CHL1: variants seen among roughly 807,000 people sequenced by gnomAD.
CHL1 encodes the protein neural cell adhesion molecule L1-like protein.
A neutral mutation model predicts 141.9 loss-of-function variants in CHL1; 96 were observed. The ratio of observed to expected loss-of-function variants is 0.68; its 90% confidence interval spans 0.57 to 0.80. The LOEUF is 0.80. Ranked by LOEUF, CHL1 falls within the 30% of genes least tolerant of loss-of-function variation. The pLI is 0.00. For synonymous variants in CHL1, 613 were observed against 502.2 expected, an observed-to-expected ratio of 1.22 and a Z score of -2.95; for missense variants, 1,820 against 1,457.2, an observed-to-expected ratio of 1.25 and a Z score of -4.05.
intron 15 of CHL1, among the ~76,000 whole-genome samples, chr3:366,686 A>C (rs75768194): frequency 6.9e-5 from 9 of 130,008 alleles, no homozygotes; most frequent in Non-Finnish European, 1.7e-5. Flanking sequence ...GATGGTTGCA[A>C]AAAAAAAAAA....
At chr3:361,570 T>C (rs1202099198) in intron 12 of CHL1, 129 bp from the exon 13 acceptor site, 2 of 624,164 alleles carry the variant, frequency 3.2e-6, no homozygotes, top group East Asian at 2.6e-5. Flanking sequence ...ACTTCTATAA[T>C]TCAAAACAGA....
chr3:258,480 T>C (rs942714618), intron 2 of CHL1, among the ~76,000 whole-genome samples: 1 of 152,230 alleles, frequency 6.6e-6, no homozygotes, highest in Non-Finnish European at 1.5e-5. Context: ...TTCATTTGTT[T>C]TCCCCAGTTC....
intron 5 of CHL1, among the ~76,000 whole-genome samples, chr3:340,071 G>C (rs1702240522): frequency 6.6e-6 from 1 of 152,082 alleles, no homozygotes; most frequent in South Asian, 2.1e-4. Flanking sequence ...TTTGGTGTTA[G>C]ATTTCAAATT....
At chr3:212,963 A>C (rs925444476) in intron 1 of CHL1, among the ~76,000 whole-genome samples, 5 of 152,214 alleles carry the variant, frequency 3.3e-5, no homozygotes, top group African/African-American at 1.2e-4. Flanking sequence ...CTAACTTAAA[A>C]TGAAGGTTTT....
Position 407,130 on chromosome 3 carries a change from C to T in CHL1, c.*1419C>T, listed in dbSNP as rs1414690698. On this transcript the variant is annotated 3_prime_UTR_variant, in exon 28 of 28. Coordinates refer to ENST00000256509, the MANE Select transcript of CHL1 (RefSeq NM_006614.4). ...GAAACAATATGGAGGATGATGCATA[C>T]ATGTCGGTCAAGTTCAGCGCTCGAC... The T allele has an allele frequency of 1.3e-5, 2 of 152,096 alleles. No homozygotes were observed. The highest frequency in any genetic ancestry group is 6.6e-5 in the Admixed American group (1 of 15,248). 9.4% of individuals were successfully genotyped at this position (152,096 alleles called of 1,614,324 possible). A position where few individuals can be genotyped will look rare whatever the true frequency, so the allele number is the denominator to read the frequency against.
At chr3:218,745 A>G (rs1463485798) in intron 1 of CHL1, among the ~76,000 whole-genome samples, 1 of 152,212 alleles carries the variant, frequency 6.6e-6, no homozygotes, top group African/African-American at 2.4e-5. Flanking sequence ...TTTATGAGGA[A>G]AAAGACAACA....
chr3:329,828 A>G (rs991502366), intron 5 of CHL1, among the ~76,000 whole-genome samples: 2 of 152,154 alleles, frequency 1.3e-5, no homozygotes, highest in Non-Finnish European at 2.9e-5. Flanking sequence ...GTCATAACAG[A>G]CTTTATTTGT....
intron 5 of CHL1, among the ~76,000 whole-genome samples, chr3:340,555 A>G (rs975235998): frequency 2.0e-4 from 31 of 152,210 alleles, no homozygotes; most frequent in Admixed American, 2.0e-4. Flanking sequence ...TTGTTGTCGC[A>G]TAACAAAAAC....
intron 20 of CHL1, among the ~76,000 whole-genome samples, chr3:390,478 C>G (rs1708130161): frequency 6.6e-6 from 1 of 152,228 alleles, no homozygotes; most frequent in Non-Finnish European, 1.5e-5. Context: ...TTGTATCTAT[C>G]TGGAGGGCTT....
At chr3:354,911 A>T in intron 11 of CHL1, 140 bp downstream of exon 11, 8 of 1,066,156 alleles carry the variant, frequency 7.5e-6, no homozygotes, top group Non-Finnish European at 1.1e-5. Context: ...GAGATTGTTT[A>T]TTTCTAAGCA....
intron 2 of CHL1, among the ~76,000 whole-genome samples, chr3:296,063 T>G (rs1447243840): frequency 1.3e-5 from 2 of 152,154 alleles, no homozygotes; most frequent in Non-Finnish European, 2.9e-5. Context: ...TTTGATGTGG[T>G]GAGGAGTTCA....
At position 343,023 on chromosome 3, in the gene CHL1, G is replaced by T. The variant is rs1702462134; in HGVS notation, c.719G>T (p.Gly240Val). ...ANDSSSSTEI[G>V]SKANSIKQRK... ...GACTCAAGTTCATCCACAGAAATTG[G>T]TTCCAAGGGTAAGTTGAACCCATGT... The change falls in exon 8 of 28, where the codon GGT becomes GTT. Residue 240 changes from glycine (G) to valine (V), a missense_variant. Physicochemically the swap from Gly to Val is moderately radical, Grantham distance 109. Transcript: ENST00000256509. The T allele has an allele frequency of 6.2e-7, 1 of 1,607,206 alleles. No homozygotes were observed. Among genetic ancestry groups the T allele is most frequent in the Non-Finnish European group, 8.5e-7 (1 of 1,177,678 alleles).
chr3:387,414 A>C (rs1380043463), intron 19 of CHL1, among the ~76,000 whole-genome samples: 1 of 152,194 alleles, frequency 6.6e-6, no homozygotes, highest in Non-Finnish European at 1.5e-5. Context: ...GAAATGTCTG[A>C]GGCTCAGTAG....
chr3:317,691 GC>G (rs1271254778), intron 2 of CHL1, among the ~76,000 whole-genome samples: 1 of 150,742 alleles, frequency 6.6e-6, no homozygotes, highest in Admixed American at 6.6e-5. Flanking sequence ...ATTCGAAGGG[GC>G]AGGGCATTGA....
chr3:349,793 T>C (rs1300881227), intron 10 of CHL1, among the ~76,000 whole-genome samples: 1 of 152,228 alleles, frequency 6.6e-6, no homozygotes. Context: ...GTTTACATGA[T>C]TTATTCAAAT....
intron 2 of CHL1, among the ~76,000 whole-genome samples, chr3:299,733 C>A (rs1292377564): frequency 6.6e-6 from 1 of 152,136 alleles, no homozygotes; most frequent in Non-Finnish European, 1.5e-5. Flanking sequence ...TCGAAGCTTG[C>A]ACATTGTTCT....
chr3:260,042 A>G (rs1401803978), intron 2 of CHL1, among the ~76,000 whole-genome samples: 1 of 152,158 alleles, frequency 6.6e-6, no homozygotes, highest in African/African-American at 2.4e-5. Flanking sequence ...AGGCAGGCCT[A>G]TCACTCCAGA....
chr3:397,819 A>T (rs1187149838), intron 24 of CHL1, among the ~76,000 whole-genome samples: 1 of 152,048 alleles, frequency 6.6e-6, no homozygotes, highest in African/African-American at 2.4e-5. Flanking sequence ...GACCAAAGCA[A>T]AAAAAAGCAA....
At position 382,506 on chromosome 3, in the gene CHL1, G is replaced by T; in HGVS notation, c.2011G>T (p.Glu671Ter). The change falls in exon 18 of 28, where the codon GAG becomes TAG. Residue 671 changes from glutamate (E) to a stop codon, truncating the protein, a stop_gained. Transcript: ENST00000256509. LOFTEE classifies it high-confidence loss of function. ...TGTTGAATTTGAAGGAAACAAAGAA[G>T]AGCCTGGAAGGTGGGAGGAACTGAC... ...YIVEFEGNKE[E>*]PGRWEELTRV... 6.2e-7 allele frequency: 1 copy of T among 1,613,806 alleles called. No homozygotes were observed. The highest frequency in any genetic ancestry group is 8.5e-7 in the Non-Finnish European group (1 of 1,179,774).
Sources: gnomAD v4.1 joint callset for allele counts (sites outside exome capture counted in the v4.1 genomes callset) on GRCh38, gnomAD v4.1.1 for gene constraint, MANE v1.5 for transcripts, NCBI Gene and HGNC (gene_info 2026-07-23, HGNC 2026-07-21) for gene names.